Variants in PCDHAC2 observed in about 807,000 individuals in gnomAD.
PCDHAC2 encodes the protein protocadherin alpha-C2.
PCDHAC2 carries 24 observed loss-of-function variants against 63.3 expected under a neutral mutation model. The observed-to-expected ratio is 0.38, with a 90% CI of 0.27 to 0.53. The LOEUF is 0.53. Among genes scored for constraint, PCDHAC2 ranks in the 20% least tolerant of loss-of-function variants. The probability of loss-of-function intolerance (pLI) is 0.81; values close to 1 mark genes in which losing one functional copy is unlikely to be tolerated. For synonymous variants in PCDHAC2, 569 were observed against 529.4 expected (o/e 1.07, Z -1.03); for missense variants, 1,181 against 1,275.2 (o/e 0.93, Z 1.12).
chr5:141,000,615 A>G (rs2097951954), intron 3 of PCDHAC2, among the ~76,000 whole-genome samples: 1 of 150,870 alleles, frequency 6.6e-6, no homozygotes, highest in South Asian at 2.1e-4. Context: ...TTTAGTAGAG[A>G]CAGGGTTTCA....
chr5:141,006,069 C>T (rs1588119997), intron 3 of PCDHAC2, among the ~76,000 whole-genome samples: 1 of 148,482 alleles, frequency 6.7e-6, no homozygotes, highest in African/African-American at 2.5e-5. Flanking sequence ...AAATAAAAAT[C>T]AGATTATTGA....
chr5:140,969,403 G>C, intron 1 of PCDHAC2, 72 bp downstream of exon 1: 1 of 1,579,282 alleles, frequency 6.3e-7, no homozygotes, highest in Non-Finnish European at 8.6e-7. Context: ...CCTGTGATTT[G>C]GCTTTATTGA....
In PCDHAC2 at chr5:140,968,189, T is replaced by G. The variant is rs181004208; in HGVS notation, c.1423T>G (p.Ser475Ala). The G allele has an allele frequency of 2.2e-5, 35 of 1,614,034 alleles. No individual in the cohort carries two copies. The Admixed American group carries it at 4.2e-4, about 19-fold the overall frequency. The change falls in exon 1 of 4, where the codon TCC (serine) becomes GCC (alanine). Residue 475 changes from serine (S) to alanine (A), a missense_variant. Ser to Ala is a moderately conservative substitution (Grantham distance 99). Coordinates refer to ENST00000289269, the MANE Select transcript of PCDHAC2 (RefSeq NM_018899.6). ...NPPSFLEDSY[S>A]IYIQENNLPG... ...ACCAAGCTTCCTGGAGGACTCCTAT[T>G]CCATCTACATACAGGAGAACAATTT... is the stretch of plus-strand genomic sequence containing the variant.
intron 1 of PCDHAC2, among the ~76,000 whole-genome samples, chr5:140,978,185 G>C (rs1177844558): frequency 1.3e-5 from 2 of 152,168 alleles, no homozygotes; most frequent in East Asian, 3.8e-4. Context: ...GAGGGCAACA[G>C]ATCTTTTCAA....
At chr5:141,001,265 T>C (rs71583613) in intron 3 of PCDHAC2, among the ~76,000 whole-genome samples, 24 of 152,168 alleles carry the variant, frequency 1.6e-4, no homozygotes, top group Admixed American at 7.2e-4. Flanking sequence ...GGCACTCTTA[T>C]GAACTTTTTT....
At position 141,011,610 on chromosome 5, in the gene PCDHAC2, A is replaced by G. The variant is rs1259686391; in HGVS notation, c.*1673A>G. ...ACTGGTGATTCAAGGAATTTTATTT[A>G]TGGTCCAGCCAAGAGCCATCTCGTG... On this transcript the variant is annotated 3_prime_UTR_variant, in exon 4 of 4. Transcript: ENST00000289269. 6 of 153,722 alleles carry G rather than the reference A, an allele frequency of 3.9e-5. No individual in the cohort carries two copies. Among genetic ancestry groups the G allele is most frequent in the African/African-American group, 1.2e-4 (5 of 41,448 alleles). 9.5% of individuals were successfully genotyped at this position (153,722 alleles called of 1,614,324 possible). A position where few individuals can be genotyped will look rare whatever the true frequency, so the allele number is the denominator to read the frequency against.
intron 3 of PCDHAC2, among the ~76,000 whole-genome samples, chr5:140,989,748 G>A (rs868949345): frequency 1.3e-4 from 20 of 152,192 alleles, no homozygotes; most frequent in African/African-American, 4.8e-4. Context: ...GCCTAATCTG[G>A]AGAAACATAT....
chr5:140,969,200 G>C lies in PCDHAC2; in HGVS notation c.2434G>C (p.Gly812Arg), dbSNP rs2096305926. Residue 812 changes from glycine to arginine, a missense_variant, in exon 1 of 4, where the codon GGG becomes CGG. This residue lies in a region of PCDHAC2 where 968 missense variants were observed against 1,073.5 expected (regional missense o/e 0.90). Transcript: ENST00000289269. ...TGACACTTTCATGTTTTACAATACAGGGGCCCAGACAGGACCAGGGCCTTC... is the reference window on the plus strand; with the variant it reads ...TGACACTTTCATGTTTTACAATACACGGGCCCAGACAGGACCAGGGCCTTC... The part of the protein sequence containing the change: ...GSDTFMFYNT[G>R]AQTGPGPSGA... The C allele has an allele frequency of 1.2e-6, 2 of 1,614,132 alleles. No individual in the cohort carries two copies. Among genetic ancestry groups the C allele is most frequent in the Non-Finnish European group, 1.7e-6 (2 of 1,180,024 alleles).
intron 1 of PCDHAC2, among the ~76,000 whole-genome samples, chr5:140,973,232 G>GA (rs2096577680): frequency 6.6e-6 from 1 of 152,196 alleles, no homozygotes; most frequent in African/African-American, 2.4e-5. Flanking sequence ...ATAGTGACCT[G>GA]AAAGAGTTAA....
At chr5:140,986,393 C>T (rs1554248003) in intron 3 of PCDHAC2, among the ~76,000 whole-genome samples, 1 of 152,148 alleles carries the variant, frequency 6.6e-6, no homozygotes, top group Non-Finnish European at 1.5e-5. Context: ...ATTAAAGGGC[C>T]AGTCGCTCAT....
chr5:140,969,450 G>GTA (rs782343162), intron 1 of PCDHAC2, 119 bp downstream of exon 1: 4 of 1,511,552 alleles, frequency 2.6e-6, no homozygotes, highest in Non-Finnish European at 3.6e-6. Flanking sequence ...GGTAAACTGA[G>GTA]TATATATAGT....
chr5:140,972,391 C>T (rs1554234093), intron 1 of PCDHAC2, among the ~76,000 whole-genome samples: 3 of 151,490 alleles, frequency 2.0e-5, no homozygotes, highest in African/African-American at 7.3e-5. Flanking sequence ...TGTTTATTTG[C>T]TTCACTATTG....
At position 141,011,088 on chromosome 5, in the gene PCDHAC2, TTCTC is replaced by T. The variant is rs375099849; in HGVS notation, c.*1165_*1168del. Reference sequence around the variant, plus strand: ...TATTACTAAATAAAATGATCTCTCTTTCTCTCTCTCTCTCTCTTTTCTAAGAAAC... The same window carrying T: ...TATTACTAAATAAAATGATCTCTCTTTCTCTCTCTCTCTTTTCTAAGAAAC... On this transcript the variant is annotated 3_prime_UTR_variant, in exon 4 of 4. Coordinates refer to ENST00000289269, the MANE Select transcript of PCDHAC2 (RefSeq NM_018899.6). 16 of 152,024 alleles carry T rather than the reference TTCTC, an allele frequency of 1.1e-4. No individual in the cohort carries two copies. Among genetic ancestry groups the T allele is most frequent in the African/African-American group, 2.2e-4 (9 of 41,160 alleles). 9.4% of individuals were successfully genotyped at this position (152,024 alleles called of 1,614,324 possible).
chr5:140,977,266 A>G (rs2096753154), intron 1 of PCDHAC2, among the ~76,000 whole-genome samples: 3 of 152,240 alleles, frequency 2.0e-5, no homozygotes, highest in Admixed American at 1.3e-4. Context: ...CAGATGTTAC[A>G]GTCTTTCTCA....
Position 140,974,282 on chromosome 5 carries a change from T to C in PCDHAC2, c.2566-4667T>C, listed in dbSNP as rs115449410. Among the ~76,000 whole-genome samples, 1,252 of 152,332 alleles carry C rather than the reference T, an allele frequency of 8.2e-3. 23 individuals carry two copies. The highest frequency in any genetic ancestry group is 0.028 in the African/African-American group (1,180 of 41,572). ...TTCTGGCCTTCCAGGGTCAGAACTC[T>C]GGGCTCCAAGGAGGTACAACTGTGA... On this transcript the variant is annotated intron_variant, in intron 1 of 3. Coordinates refer to ENST00000289269, the MANE Select transcript of PCDHAC2 (RefSeq NM_018899.6).
At chr5:141,009,166 T>C (rs949376056) in intron 3 of PCDHAC2, among the ~76,000 whole-genome samples, 98 of 152,230 alleles carry the variant, frequency 6.4e-4, no homozygotes, top group African/African-American at 2.2e-3. Context: ...CTGTAAATAC[T>C]GGCCTTGGCT....
In PCDHAC2 at chr5:140,966,845, C is replaced by T; in HGVS notation, c.79C>T (p.Pro27Ser). 2 of 1,570,442 alleles carry T rather than the reference C, an allele frequency of 1.3e-6. No individual in the cohort carries two copies. The highest frequency in any genetic ancestry group is 2.3e-5 in the South Asian group (2 of 86,740). ...GCCCATGCCCTGGCTGCTGCTACTG[C>T]CTCTCCTGCTGCTGTTGCTGCTGCT... ...RRPMPWLLLL[P>S]LLLLLLLLLP... The change falls in exon 1 of 4, where the codon CCT (proline) becomes TCT (serine). Residue 27 changes from proline (P) to serine (S), a missense_variant. Pro to Ser is a moderately conservative substitution (Grantham distance 74). This residue lies in a region of PCDHAC2 where 210 missense variants were observed against 184.9 expected (regional missense o/e 1.14). Coordinates refer to ENST00000289269, the MANE Select transcript of PCDHAC2 (RefSeq NM_018899.6).
intron 1 of PCDHAC2, among the ~76,000 whole-genome samples, chr5:140,976,407 C>T (rs781867787): frequency 1.1e-4 from 17 of 151,868 alleles, no homozygotes; most frequent in Non-Finnish European, 2.1e-4. Flanking sequence ...AAAAATTAGC[C>T]AGGTACGGTG....
chr5:141,005,731 A>AAAAAAG (rs2098235322), intron 3 of PCDHAC2, among the ~76,000 whole-genome samples: 2 of 149,106 alleles, frequency 1.3e-5, no homozygotes, highest in East Asian at 1.9e-4. Flanking sequence ...AAAAAAAAAA[A>AAAAAAG]GAATGGATGA....
Sources: gnomAD v4.1 joint callset for allele counts (sites outside exome capture counted in the v4.1 genomes callset) on GRCh38, gnomAD v4.1.1 for gene constraint, gnomAD v4.1.1 regional missense constraint, MANE v1.5 for transcripts, NCBI Gene and HGNC (gene_info 2026-07-23, HGNC 2026-07-21) for gene names.